RIC1: variants seen among roughly 807,000 people sequenced by gnomAD.
RIC1 encodes guanine nucleotide exchange factor subunit RIC1.
In RIC1, 88 loss-of-function variants were observed where a neutral mutation model predicts 169.0. The ratio of observed to expected loss-of-function variants is 0.52; its 90% CI spans 0.44 to 0.62. RIC1 has a LOEUF of 0.62. Among genes scored for constraint, RIC1 ranks in the 20% least tolerant of loss-of-function variants. RIC1 has a pLI of 0.00. For synonymous variants in RIC1, 790 were observed against 601.5 expected, an observed-to-expected ratio of 1.31 and a Z score of -4.59; for missense variants, 1,877 against 1,725.5, an observed-to-expected ratio of 1.09 and a Z score of -1.56.
chr9:5,756,477 C>A, intron 16 of RIC1, 105 bp downstream of exon 16: 3 of 746,418 alleles, frequency 4.0e-6, no homozygotes, highest in Non-Finnish European at 3.9e-6. Flanking sequence ...TATATTCAAT[C>A]TTGTTTTTGT....
chr9:5,665,020 C>T (rs185179986), intron 2 of RIC1, among the ~76,000 whole-genome samples: 4 of 152,184 alleles, frequency 2.6e-5, no homozygotes, highest in Non-Finnish European at 4.4e-5. Flanking sequence ...GTGTTCCAGT[C>T]TCCCACTATT....
At chr9:5,778,082 G>C (rs1827678928), downstream of RIC1, among the ~76,000 whole-genome samples, 1 of 152,140 alleles carries the variant, frequency 6.6e-6, no homozygotes, top group Non-Finnish European at 1.5e-5. Flanking sequence ...TCCAGTCCAT[G>C]AACATGAGAT....
At chr9:5,773,413 G>A (rs1373536024) in intron 25 of RIC1, among the ~76,000 whole-genome samples, 1 of 152,108 alleles carries the variant, frequency 6.6e-6, no homozygotes, top group South Asian at 2.1e-4. Flanking sequence ...GAAAGCAATG[G>A]TCTACAAATA....
chr9:5,766,652 C>T (rs1223649016), intron 21 of RIC1, among the ~76,000 whole-genome samples: 1 of 152,212 alleles, frequency 6.6e-6, no homozygotes, highest in Non-Finnish European at 1.5e-5. Flanking sequence ...CCAATCTCAT[C>T]AGGTCACTGC....
At chr9:5,767,566 T>C (rs1045611458) in intron 21 of RIC1, among the ~76,000 whole-genome samples, 1 of 152,070 alleles carries the variant, frequency 6.6e-6, no homozygotes, top group East Asian at 1.9e-4. Flanking sequence ...TTATTGAACG[T>C]TTGTTATTGT....
chr9:5,721,200 T>A (rs1054214105), intron 6 of RIC1, among the ~76,000 whole-genome samples: 8 of 152,206 alleles, frequency 5.3e-5, no homozygotes, highest in Non-Finnish European at 1.2e-4. Context: ...CTATTAATTG[T>A]TTATATTTTT....
chr9:5,776,172 G>C lies in RIC1; in HGVS notation c.*1926G>C, dbSNP rs558244097. The C allele has an allele frequency of 6.6e-6, 1 of 152,240 alleles. No individual in the cohort carries two copies. The highest frequency in any genetic ancestry group is 6.5e-5 in the Admixed American group (1 of 15,300). The allele number at this position is 152,240 out of a possible 1,614,324, so 9.4% of individuals were successfully genotyped here. On this transcript the variant is annotated 3_prime_UTR_variant, in exon 26 of 26. Transcript: ENST00000414202. ...AAGTTAACTGTATTCCTGTGGGTTA[G>C]GCCGTGAATGAATCATTTCTTTTAT...
At chr9:5,647,638 G>C (rs1408486007) in intron 1 of RIC1, among the ~76,000 whole-genome samples, 2 of 152,218 alleles carry the variant, frequency 1.3e-5, no homozygotes, top group South Asian at 2.1e-4. Flanking sequence ...TAACAGGTTT[G>C]TTGTTGTTGT....
chr9:5,757,513 T>C (rs1389617183), intron 17 of RIC1, 62 bp downstream of exon 17: 2 of 1,542,922 alleles, frequency 1.3e-6, no homozygotes, highest in African/African-American at 1.4e-5. Flanking sequence ...TTTGAGTCCA[T>C]ATTAGGAAGT....
intron 1 of RIC1, among the ~76,000 whole-genome samples, chr9:5,637,693 A>G (rs891093825): frequency 4.6e-5 from 7 of 152,212 alleles, no homozygotes; most frequent in African/African-American, 1.2e-4. Flanking sequence ...GATCCCACAA[A>G]TAAGTGAGAA....
intron 1 of RIC1, among the ~76,000 whole-genome samples, chr9:5,654,011 T>A (rs1413911595): frequency 2.0e-5 from 3 of 152,238 alleles, no homozygotes; most frequent in Non-Finnish European, 4.4e-5. Flanking sequence ...ACATTTTTTA[T>A]GTTTTTGAGA....
At chr9:5,755,200 G>A (rs1450991256) in intron 15 of RIC1, among the ~76,000 whole-genome samples, 1 of 152,038 alleles carries the variant, frequency 6.6e-6, no homozygotes, top group Non-Finnish European at 1.5e-5. Context: ...AGAGTTAAAA[G>A]CAAAAAATTT....
At chr9:5,740,408 G>A (rs1390744687) in intron 8 of RIC1, among the ~76,000 whole-genome samples, 4 of 151,784 alleles carry the variant, frequency 2.6e-5, no homozygotes, top group African/African-American at 9.7e-5. Context: ...ATCACTCCTG[G>A]TACCAATATC....
intron 17 of RIC1, among the ~76,000 whole-genome samples, chr9:5,760,832 G>A (rs140575779): frequency 6.6e-6 from 1 of 152,148 alleles, no homozygotes; most frequent in Non-Finnish European, 1.5e-5. Context: ...TAGGGTGGCT[G>A]CTGTTTTCTT....
chr9:5,778,102 T>C (rs545032940), downstream of RIC1, among the ~76,000 whole-genome samples: 5 of 152,342 alleles, frequency 3.3e-5, no homozygotes, highest in African/African-American at 1.2e-4. Flanking sequence ...TGTCTTTCCA[T>C]TTATTGGGTT....
At chr9:5,701,399 G>T (rs1259360247) in intron 3 of RIC1, among the ~76,000 whole-genome samples, 1 of 152,010 alleles carries the variant, frequency 6.6e-6, no homozygotes, top group African/African-American at 2.4e-5. Flanking sequence ...ATCACTTGAG[G>T]TCGGGAGTTC....
intron 1 of RIC1, among the ~76,000 whole-genome samples, chr9:5,655,376 C>CT (rs1197729409): frequency 6.6e-6 from 1 of 152,118 alleles, no homozygotes; most frequent in African/African-American, 2.4e-5. Flanking sequence ...TCTCAGCTCA[C>CT]TGCAACCTCC....
intron 4 of RIC1, among the ~76,000 whole-genome samples, chr9:5,717,849 A>AT (rs937445307): frequency 1.2e-4 from 18 of 151,108 alleles, no homozygotes; most frequent in African/African-American, 4.4e-4. Flanking sequence ...AATAAAAAAA[A>AT]AAAAAGTTCA....
Position 5,774,087 on chromosome 9 carries a change from C to T in RIC1, c.4113C>T (p.Ser1371=), listed in dbSNP as rs1015903622. ...ITMGKTPEQT[S]PRAEESRGSS... is the part of the protein sequence containing the mutation. Reference sequence around the variant, plus strand: ...TGGGTAAGACTCCAGAACAGACTAGCCCCCGGGCAGAGGAGAGCAGGGGCT... The same window carrying T: ...TGGGTAAGACTCCAGAACAGACTAGTCCCCGGGCAGAGGAGAGCAGGGGCT... The change falls in exon 26 of 26, where the codon AGC becomes AGT. Residue 1371 remains serine, a synonymous_variant. Coordinates refer to ENST00000414202, the MANE Select transcript of RIC1 (RefSeq NM_020829.4). 5 of 1,614,036 alleles carry T rather than the reference C, an allele frequency of 3.1e-6. No homozygotes were observed. The highest frequency in any genetic ancestry group is 4.2e-6 in the Non-Finnish European group (5 of 1,179,960).
Sources: allele counts gnomAD v4.1 joint callset (sites outside exome capture counted in the v4.1 genomes callset), GRCh38; gene constraint gnomAD v4.1.1; transcripts MANE v1.5; gene names NCBI Gene and HGNC (gene_info 2026-07-23, HGNC 2026-07-21).